Variants in LRP2 observed in about 807,000 individuals in gnomAD.
LRP2 encodes the protein LDL receptor related protein 2.
Under a neutral mutation model 531.0 loss-of-function variants are expected in LRP2, and 172 were observed. The observed-to-expected ratio is 0.32, with a 90% CI of 0.29 to 0.37. LRP2 has a LOEUF of 0.37. Among genes scored for constraint, LRP2 ranks in the 10% least tolerant of loss-of-function variants. The pLI is 1.00. For synonymous variants in LRP2, 1,992 were observed against 2,027.6 expected, an observed-to-expected ratio of 0.98 and a Z score of 0.47; for missense variants, 5,167 against 5,868.3, an observed-to-expected ratio of 0.88 and a Z score of 3.90.
intron 13 of LRP2, among the ~76,000 whole-genome samples, chr2:169,276,048 C>G (rs1213340552): frequency 1.3e-5 from 2 of 151,772 alleles, no homozygotes; most frequent in East Asian, 3.9e-4. Context: ...TCTTAGCATC[C>G]CCTGAAAACT....
Position 169,233,675 on chromosome 2 carries a change from C to T in LRP2, c.4921-87G>A, listed in dbSNP as rs116931584. ...CAAAGAGGATATCTGCTCAAGAAGA[C>T]GGTTTCCTTTAACATGTCATTATTT... On this transcript the variant is annotated intron_variant, in intron 29 of 78. Transcript: ENST00000649046. The T allele has an allele frequency of 3.6e-4, 424 of 1,193,202 alleles. 2 individuals are homozygous for T. The East Asian group carries it at 9.3e-3, about 26-fold the overall frequency. 73.9% of individuals were successfully genotyped at this position (1,193,202 alleles called of 1,614,324 possible).
intron 74 of LRP2, 109 bp downstream of exon 74, chr2:169,139,142 G>A (rs1298456610): frequency 2.2e-5 from 33 of 1,511,142 alleles, no homozygotes; most frequent in Non-Finnish European, 2.8e-5. Flanking sequence ...TGGAATCGGT[G>A]AACTGCGTAT....
intron 31 of LRP2, among the ~76,000 whole-genome samples, chr2:169,228,956 G>A (rs1397770798): frequency 6.6e-6 from 1 of 152,124 alleles, no homozygotes; most frequent in Non-Finnish European, 1.5e-5. Context: ...CAGAGGACTG[G>A]GGAAGTAACA....
chr2:169,211,969 T>C lies in LRP2; in HGVS notation c.6279A>G (p.Gln2093=), dbSNP rs1688609615. ...HSETMVPVAG[Q]GRNALHVDVD... ...TTACTTATATTGGAGTTGGCATACCTTGGCCTGCCACCGGCACCATGGTTT... is the reference window on the plus strand; with the variant it reads ...TTACTTATATTGGAGTTGGCATACCCTGGCCTGCCACCGGCACCATGGTTT... The change falls in exon 37 of 79, where the codon CAA becomes CAG. Residue 2093 remains glutamine (Q), a splice_region_variant and synonymous_variant. Transcript: ENST00000649046. The C allele has an allele frequency of 1.9e-6, 3 of 1,613,936 alleles. No individual in the cohort carries two copies. The highest frequency in any genetic ancestry group is 1.3e-5 in the African/African-American group (1 of 75,036).
chr2:169,280,370 T>C lies in LRP2; in HGVS notation c.1321A>G (p.Thr441Ala), dbSNP rs1683668895. ...FHYHLQRVFW[T>A]DTVQNKVFSV... ...TTTACCTTATTTTGCACGGTGTCTG[T>C]CCAAAAAACTCTTTGCAGGTGATAG... Residue 441 changes from threonine to alanine, a missense_variant, in exon 11 of 79, where the codon ACA (threonine) becomes GCA (alanine). This residue lies in a region of LRP2 where 2,811 missense variants were observed against 3,058.0 expected (regional missense o/e 0.92). Coordinates refer to ENST00000649046, the MANE Select transcript of LRP2 (RefSeq NM_004525.3). 2 of 1,614,142 alleles carry C rather than the reference T, an allele frequency of 1.2e-6. No individual in the cohort carries two copies. Among genetic ancestry groups the C allele is most frequent in the East Asian group, 2.2e-5 (1 of 44,884 alleles).
At chr2:169,134,346 C>G (rs1685413114) in intron 76 of LRP2, among the ~76,000 whole-genome samples, 1 of 152,198 alleles carries the variant, frequency 6.6e-6, no homozygotes, top group South Asian at 2.1e-4. Context: ...GCTGTACTCA[C>G]TCTTTGTTGA....
intron 61 of LRP2, among the ~76,000 whole-genome samples, 186 bp downstream of exon 61, chr2:169,168,352 TC>T (rs1686865794): frequency 6.6e-6 from 1 of 152,118 alleles, no homozygotes; most frequent in Admixed American, 6.6e-5. Context: ...ATGGAGGTTT[TC>T]CCAACTTTCT....
At chr2:169,334,323 A>G (rs1018500410) in intron 1 of LRP2, among the ~76,000 whole-genome samples, 1 of 152,186 alleles carries the variant, frequency 6.6e-6, no homozygotes, top group Non-Finnish European at 1.5e-5. Context: ...AAATAATTAA[A>G]GCCATTTGCT....
chr2:169,208,216 T>C (rs1308450587), intron 38 of LRP2, among the ~76,000 whole-genome samples: 1 of 152,160 alleles, frequency 6.6e-6, no homozygotes, highest in Non-Finnish European at 1.5e-5. Context: ...TAAATGGGCA[T>C]AGCTGTGTTA....
chr2:169,179,973 C>T (rs1687368168), intron 52 of LRP2, among the ~76,000 whole-genome samples: 2 of 152,026 alleles, frequency 1.3e-5, no homozygotes, highest in South Asian at 2.1e-4. Flanking sequence ...AGACTAAAAT[C>T]TACTGCCTAA....
chr2:169,261,306 T>C (rs1690538309), intron 16 of LRP2, among the ~76,000 whole-genome samples: 1 of 152,006 alleles, frequency 6.6e-6, no homozygotes, highest in Non-Finnish European at 1.5e-5. Context: ...GAGGGCTTCA[T>C]TCAGCTAATC....
intron 16 of LRP2, among the ~76,000 whole-genome samples, chr2:169,267,848 T>C (rs1384873901): frequency 2.0e-5 from 3 of 151,868 alleles, no homozygotes; most frequent in African/African-American, 7.3e-5. Flanking sequence ...ACAAAATTGA[T>C]AGACCGCTAG....
chr2:169,292,810 G>A (rs1420655771), intron 6 of LRP2, among the ~76,000 whole-genome samples: 2 of 136,612 alleles, frequency 1.5e-5, no homozygotes, highest in African/African-American at 5.5e-5. Flanking sequence ...TCCAGCCTGG[G>A]TGACAGAGTG....
intron 13 of LRP2, among the ~76,000 whole-genome samples, chr2:169,275,798 T>C (rs1210581621): frequency 6.6e-6 from 1 of 151,964 alleles, no homozygotes; most frequent in African/African-American, 2.4e-5. Context: ...ATGCATCTGC[T>C]TGATGGAACT....
chr2:169,240,350 T>C (rs111495150), intron 25 of LRP2, among the ~76,000 whole-genome samples: 6,336 of 152,286 alleles, frequency 0.042, 354 homozygotes, highest in African/African-American at 0.13. Flanking sequence ...GGGATGCAAA[T>C]GCCTTCTATT....
chr2:169,186,754 G>A (rs1687648750), intron 49 of LRP2, among the ~76,000 whole-genome samples: 1 of 152,192 alleles, frequency 6.6e-6, no homozygotes. Flanking sequence ...AGTTGTAAGA[G>A]TGAATGTTTC....
rs547998648 is a variant in LRP2, at chr2:169,156,454, C to T, written c.12020-49G>A. The T allele has an allele frequency of 5.6e-4, 897 of 1,610,214 alleles. 8 individuals carry two copies. The South Asian group carries it at 8.6e-3, about 16-fold the overall frequency. ...ACGCAACATCTGTTCCCATCCATTCCTTAGAGATCTTGCTTCTGTTTAAAC... is the reference window on the plus strand; with the variant it reads ...ACGCAACATCTGTTCCCATCCATTCTTTAGAGATCTTGCTTCTGTTTAAAC... On this transcript the variant is annotated intron_variant, in intron 64 of 78. Transcript: ENST00000649046.
chr2:169,156,633 C>T (rs1574079038), intron 64 of LRP2, among the ~76,000 whole-genome samples: 4 of 152,120 alleles, frequency 2.6e-5, no homozygotes, highest in Admixed American at 1.3e-4. Context: ...GAGGTATGGA[C>T]GATTAAGCCC....
chr2:169,258,268 C>T (rs772885832), intron 17 of LRP2, among the ~76,000 whole-genome samples: 4 of 152,098 alleles, frequency 2.6e-5, no homozygotes, highest in Non-Finnish European at 5.9e-5. Context: ...GTCACTTTAT[C>T]TCACTGCGCC....
Sources: allele counts gnomAD v4.1 joint callset (sites outside exome capture counted in the v4.1 genomes callset), GRCh38; gene constraint gnomAD v4.1.1; regional missense constraint gnomAD v4.1.1; transcripts MANE v1.5; gene names NCBI Gene and HGNC (gene_info 2026-07-23, HGNC 2026-07-21).